TMEM232: variants seen among roughly 807,000 people sequenced by gnomAD.
TMEM232 encodes the protein transmembrane protein 232.
In TMEM232, 80 loss-of-function variants were observed where a neutral mutation model predicts 78.8. The ratio of observed to expected loss-of-function variants is 1.01; its 90% confidence interval spans 0.85 to 1.22. The LOEUF is 1.22. Among genes scored for constraint, TMEM232 ranks in the 50% most tolerant of loss-of-function variants. The pLI is 0.00. For synonymous variants in TMEM232, 297 were observed against 254.3 expected (o/e 1.17, Z -1.60); for missense variants, 881 against 742.2 (o/e 1.19, Z -2.17).
At chr5:110,589,007 T>C (rs1368236970) in intron 10 of TMEM232, among the ~76,000 whole-genome samples, 3 of 152,196 alleles carry the variant, frequency 2.0e-5, no homozygotes, top group African/African-American at 7.2e-5. Flanking sequence ...TAATGCAGGC[T>C]TTTAAAAAAA....
intron 1 of TMEM232, among the ~76,000 whole-genome samples, chr5:110,695,850 C>T (rs1448216718): frequency 6.6e-6 from 1 of 152,130 alleles, no homozygotes; most frequent in Non-Finnish European, 1.5e-5. Context: ...CAGATGGATT[C>T]ACAGCCAAAT....
At chr5:110,425,807 T>TTACTC (rs1474902505) in intron 12 of TMEM232, among the ~76,000 whole-genome samples, 1 of 152,088 alleles carries the variant, frequency 6.6e-6, no homozygotes, top group African/African-American at 2.4e-5. Context: ...CTTACCCACT[T>TTACTC]TACTCTTGTC....
intron 10 of TMEM232, among the ~76,000 whole-genome samples, chr5:110,576,222 C>G (rs1777557819): frequency 6.6e-6 from 1 of 152,030 alleles, no homozygotes; most frequent in African/African-American, 2.4e-5. Context: ...AAATTGTTAG[C>G]ATTCCTATAC....
At chr5:110,735,983 A>C (rs1429472842) in intron 1 of TMEM232, among the ~76,000 whole-genome samples, 1 of 152,158 alleles carries the variant, frequency 6.6e-6, no homozygotes, top group East Asian at 1.9e-4. Context: ...CAGCGAAGCC[A>C]CTCTGAAATT....
At chr5:110,428,038 T>C (rs1757432957) in intron 12 of TMEM232, among the ~76,000 whole-genome samples, 1 of 151,902 alleles carries the variant, frequency 6.6e-6, no homozygotes, top group Admixed American at 6.6e-5. Flanking sequence ...AATTAAGTTA[T>C]TGTTAACTAT....
intron 1 of TMEM232, among the ~76,000 whole-genome samples, chr5:110,683,610 G>T (rs897172947): frequency 6.6e-6 from 1 of 151,298 alleles, no homozygotes. Flanking sequence ...TTTCTTTCCA[G>T]AATATCTTCC....
intron 11 of TMEM232, among the ~76,000 whole-genome samples, chr5:110,539,308 G>A (rs934210754): frequency 6.6e-6 from 1 of 152,142 alleles, no homozygotes; most frequent in Non-Finnish European, 1.5e-5. Flanking sequence ...TTAAAACCCT[G>A]CAATTCTCCT....
downstream of TMEM232, among the ~76,000 whole-genome samples, chr5:110,417,431 AGAATCCTTTGT>A (rs1202209229): frequency 2.0e-5 from 3 of 152,232 alleles, no homozygotes; most frequent in Non-Finnish European, 2.9e-5. Flanking sequence ...TCTATGACTC[AGAATCCTTTGT>A]GAGTTTTGAA....
At chr5:110,654,746 C>T in intron 2 of TMEM232, among the ~76,000 whole-genome samples, 1 of 152,062 alleles carries the variant, frequency 6.6e-6, no homozygotes, top group Non-Finnish European at 1.5e-5. Context: ...GGCAGTATGG[C>T]CATTTTCACG....
chr5:110,513,122 A>G (rs1243220667), intron 12 of TMEM232, among the ~76,000 whole-genome samples: 1 of 152,220 alleles, frequency 6.6e-6, no homozygotes, highest in Non-Finnish European at 1.5e-5. Flanking sequence ...GGGAAGATGT[A>G]ACAGATAGAT....
At chr5:110,391,957 A>G (rs938592324) in intron 3 of TMEM232, among the ~76,000 whole-genome samples, 14 of 152,230 alleles carry the variant, frequency 9.2e-5, no homozygotes, top group African/African-American at 3.4e-4. Flanking sequence ...AGCTTGGTAC[A>G]TGACATTGTA....
At chr5:110,451,643 C>G (rs1267996275) in intron 12 of TMEM232, among the ~76,000 whole-genome samples, 1 of 151,930 alleles carries the variant, frequency 6.6e-6, no homozygotes, top group Non-Finnish European at 1.5e-5. Context: ...TGTTCAAAAC[C>G]TATTTTCCCC....
chr5:110,439,634 T>C lies in TMEM232; in HGVS notation c.1704-14718A>G, dbSNP rs116797581. Among the ~76,000 whole-genome samples, 1,122 of 152,178 alleles carry C rather than the reference T, an allele frequency of 7.4e-3. 18 individuals carry two copies. Among genetic ancestry groups the C allele is most frequent in the African/African-American group, 0.025 (1,045 of 41,550 alleles). On this transcript the variant is annotated intron_variant, in intron 12 of 13. Coordinates refer to ENST00000455884, the MANE Select transcript of TMEM232 (RefSeq NM_001039763.4). ...GTCTTTTGATCTGGTGGTTTCCATA[T>C]ACAGTTCCTGTTGGAAAGTTTCAGG...
chr5:110,421,921 A>G (rs916115999), intron 13 of TMEM232, among the ~76,000 whole-genome samples: 1 of 152,178 alleles, frequency 6.6e-6, no homozygotes, highest in Non-Finnish European at 1.5e-5. Context: ...TTAAGGCTGT[A>G]TTTCTAAACA....
intron 12 of TMEM232, among the ~76,000 whole-genome samples, chr5:110,458,271 CTTTT>C (rs369663327): frequency 8.6e-5 from 13 of 150,972 alleles, no homozygotes; most frequent in South Asian, 2.1e-4. Context: ...GTTTTGTCAT[CTTTT>C]TTTTGTTTTT....
chr5:110,654,999 G>A (rs1314470960), intron 2 of TMEM232, among the ~76,000 whole-genome samples: 1 of 152,094 alleles, frequency 6.6e-6, no homozygotes, highest in Non-Finnish European at 1.5e-5. Context: ...CATGGGCAAG[G>A]ACTTCATGTC....
chr5:110,676,401 C>CTTT (rs369628739), intron 1 of TMEM232, among the ~76,000 whole-genome samples: 1 of 141,830 alleles, frequency 7.1e-6, no homozygotes, highest in African/African-American at 2.6e-5. Flanking sequence ...GTTCCCTTTT[C>CTTT]TTTTTTTTTT....
At chr5:110,406,615 A>G (rs1445386539) in intron 2 of TMEM232, among the ~76,000 whole-genome samples, 1 of 152,114 alleles carries the variant, frequency 6.6e-6, no homozygotes, top group Non-Finnish European at 1.5e-5. Context: ...TCATCTTGCA[A>G]GAAATGCTAA....
At chr5:110,679,736 A>G (rs1340231084) in intron 1 of TMEM232, among the ~76,000 whole-genome samples, 3 of 103,538 alleles carry the variant, frequency 2.9e-5, no homozygotes, top group Non-Finnish European at 6.7e-5. Context: ...TTAATTAGTT[A>G]CATGTATTTT....
Sources: gnomAD v4.1 joint callset for allele counts (sites outside exome capture counted in the v4.1 genomes callset) on GRCh38, gnomAD v4.1.1 for gene constraint, MANE v1.5 for transcripts, NCBI Gene and HGNC (gene_info 2026-07-23, HGNC 2026-07-21) for gene names.